The following SORCS1 variants were observed in gnomAD, a reference collection of about 807,000 sequenced individuals.
SORCS1 encodes the protein VPS10 domain-containing receptor SorCS1.
In SORCS1, 60 loss-of-function variants were observed where a neutral mutation model predicts 146.1. That is an observed-to-expected ratio of 0.41 (90% confidence interval 0.33 to 0.51). SORCS1 has a LOEUF of 0.51. SORCS1 is among the 20% of genes least tolerant of loss of function. SORCS1 has a pLI of 0.21. For synonymous variants in SORCS1, 637 were observed against 584.0 expected (o/e 1.09, Z -1.31); for missense variants, 1,352 against 1,487.6 (o/e 0.91, Z 1.50).
chr10:106,828,538 A>G (rs1948397379), intron 3 of SORCS1, among the ~76,000 whole-genome samples: 1 of 152,210 alleles, frequency 6.6e-6, no homozygotes, highest in Non-Finnish European at 1.5e-5. Context: ...CACTAACAGT[A>G]GCTAATGAAA....
Position 107,164,278 on chromosome 10 carries a change from C to A in SORCS1, c.249G>T (p.Gly83=), listed in dbSNP as rs748663686. 1 of 1,599,062 alleles carries A rather than the reference C, an allele frequency of 6.3e-7. No individual in the cohort carries two copies. The highest frequency in any genetic ancestry group is 1.7e-5 in the Admixed American group (1 of 59,164). Residue 83 remains glycine (G), a synonymous_variant, in exon 1 of 26, where the codon GGG becomes GGT. Transcript: ENST00000263054. This position sits in a 1 kb window ranked among gnomAD's most constrained non-coding sequence, Gnocchi z 6.8. ...VVRPLFSVAP[G]DRALSLERAR... is the part of the protein sequence containing the mutation. ...CCCGCTCCAGGGATAGCGCTCGGTC[C>A]CCGGGGGCCACTGAGAACAGGGGAC...
At position 106,880,519 on chromosome 10, in the gene SORCS1, C is replaced by T. The variant is rs191135001; in HGVS notation, c.627-50846G>A. The stretch of plus-strand genomic sequence containing the variant: ...ATACAGTCTGTTAAAGATTCAGATT[C>T]ATGGGTTTCTTTCCCAAAGCTTCTA... On this transcript the variant is annotated intron_variant, in intron 2 of 25. Transcript: ENST00000263054. 3.7e-3 allele frequency among the ~76,000 whole-genome samples: 561 copies of T among 152,226 alleles called. 4 individuals are homozygous for T. Among genetic ancestry groups the T allele is most frequent in the African/African-American group, 0.013 (521 of 41,546 alleles).
At chr10:106,780,610 G>T (rs1446546040) in intron 3 of SORCS1, among the ~76,000 whole-genome samples, 1 of 152,192 alleles carries the variant, frequency 6.6e-6, no homozygotes, top group East Asian at 1.9e-4. Context: ...CTGCAGGCCA[G>T]GGGCCCCTGC....
intron 1 of SORCS1, among the ~76,000 whole-genome samples, chr10:107,069,910 C>T (rs1328234): frequency 0.52 from 78,937 of 151,968 alleles, 21,928 homozygotes; most frequent in African/African-American, 0.7. Flanking sequence ...TGTGTGACCA[C>T]CATCACAATC....
At chr10:107,011,666 T>G (rs974112598) in intron 1 of SORCS1, among the ~76,000 whole-genome samples, 20 of 152,302 alleles carry the variant, frequency 1.3e-4, no homozygotes, top group African/African-American at 4.6e-4. Context: ...TGCCTAGAGA[T>G]TTGTCAGATA....
intron 5 of SORCS1, among the ~76,000 whole-genome samples, chr10:106,741,722 T>C (rs1163798757): frequency 6.6e-6 from 1 of 152,132 alleles, no homozygotes. Context: ...TAGACATATA[T>C]GAGGGGTCCC....
chr10:106,652,630 G>T, intron 17 of SORCS1, 77 bp from the exon 18 acceptor site: 1 of 1,537,668 alleles, frequency 6.5e-7, no homozygotes, highest in Non-Finnish European at 8.9e-7. Context: ...ATTAGACATA[G>T]TGCCTAGCCC....
chr10:106,984,414 GAC>G (rs1056598541), intron 1 of SORCS1, among the ~76,000 whole-genome samples: 4 of 82,696 alleles, frequency 4.8e-5, no homozygotes, highest in African/African-American at 1.2e-4. Context: ...TTTTTTTTGA[GAC>G]AGAGTTTTGC....
At position 106,848,147 on chromosome 10, in the gene SORCS1, T is replaced by C. The variant is rs367870319; in HGVS notation, c.627-18474A>G. Reference sequence around the variant, plus strand: ...TCAATTCCTGGGTATCCTTGTTGACTTTCTGTCTCGTTGATCTGTCTAATG... The same window carrying C: ...TCAATTCCTGGGTATCCTTGTTGACCTTCTGTCTCGTTGATCTGTCTAATG... On this transcript the variant is annotated intron_variant, in intron 2 of 25. Coordinates refer to ENST00000263054, the MANE Select transcript of SORCS1 (RefSeq NM_052918.5). 3.3e-4 allele frequency among the ~76,000 whole-genome samples: 30 copies of C among 90,668 alleles called. No individual in the cohort carries two copies. The East Asian group carries it at 7.6e-3, about 23-fold the overall frequency. The allele number at this position is 90,668 out of a possible 152,430, so 59.5% of individuals were successfully genotyped here.
At chr10:106,794,514 T>C (rs1408674942) in intron 3 of SORCS1, among the ~76,000 whole-genome samples, 6 of 148,900 alleles carry the variant, frequency 4.0e-5, no homozygotes, top group African/African-American at 2.5e-5. Flanking sequence ...TTTTTTTTTT[T>C]TTTTTTGAGA....
chr10:106,733,434 C>T (rs1156302600), intron 5 of SORCS1, among the ~76,000 whole-genome samples: 3 of 152,126 alleles, frequency 2.0e-5, no homozygotes, highest in Non-Finnish European at 4.4e-5. Flanking sequence ...ATTGCTGAGG[C>T]CAATCAATGC....
chr10:107,143,274 C>T lies in SORCS1; in HGVS notation c.558+20695G>A, dbSNP rs562026151. On this transcript the variant is annotated intron_variant, in intron 1 of 25. Transcript: ENST00000263054. The stretch of plus-strand genomic sequence containing the variant: ...TATGCTTTTCTTCCAAACTAAAATG[C>T]TGATTATGTCACTCCTTTATACATT... Among the ~76,000 whole-genome samples, 5 of 152,294 alleles carry T rather than the reference C, an allele frequency of 3.3e-5. No homozygotes were observed. The South Asian group carries it at 1.0e-3, about 32-fold the overall frequency.
At chr10:106,642,434 C>A (rs1258539827) in intron 18 of SORCS1, among the ~76,000 whole-genome samples, 2 of 152,116 alleles carry the variant, frequency 1.3e-5, no homozygotes, top group African/African-American at 2.4e-5. Flanking sequence ...ATCAGAAGAT[C>A]CCTGTTTTTA....
At chr10:107,018,150 T>G (rs1476025776) in intron 1 of SORCS1, among the ~76,000 whole-genome samples, 1 of 152,002 alleles carries the variant, frequency 6.6e-6, no homozygotes, top group Admixed American at 6.6e-5. Context: ...ACATGCCCTT[T>G]GTCCAAGCAC....
intron 6 of SORCS1, among the ~76,000 whole-genome samples, chr10:106,718,627 C>T (rs1305937791): frequency 6.6e-6 from 1 of 152,236 alleles, no homozygotes; most frequent in Non-Finnish European, 1.5e-5. Flanking sequence ...GAAGGGAACC[C>T]GAGTGGGTTG....
intron 1 of SORCS1, among the ~76,000 whole-genome samples, chr10:107,045,751 G>T (rs1021599234): frequency 6.7e-6 from 1 of 149,064 alleles, no homozygotes; most frequent in Non-Finnish European, 1.5e-5. Flanking sequence ...GTGTGTGTAT[G>T]TGTGTGTGTG....
intron 17 of SORCS1, among the ~76,000 whole-genome samples, chr10:106,653,328 G>A (rs1182911341): frequency 6.6e-6 from 1 of 152,032 alleles, no homozygotes; most frequent in Non-Finnish European, 1.5e-5. Flanking sequence ...TATACTGTTG[G>A]GTCTGCAGCA....
intron 3 of SORCS1, among the ~76,000 whole-genome samples, chr10:106,800,513 C>CTTTT (rs763659103): frequency 2.2e-5 from 2 of 89,072 alleles, no homozygotes; most frequent in South Asian, 4.1e-4. Flanking sequence ...CTAGGTGAAT[C>CTTTT]TTTTTTTTTT....
intron 1 of SORCS1, among the ~76,000 whole-genome samples, chr10:106,989,104 CA>C (rs111258873): frequency 0.1 from 10,894 of 109,226 alleles, 1,026 homozygotes; most frequent in African/African-American, 0.28. Flanking sequence ...ACTAAAAATA[CA>C]AAAAAAAAAA....
Sources: gnomAD v4.1 joint callset for allele counts (sites outside exome capture counted in the v4.1 genomes callset) on GRCh38, gnomAD v4.1.1 for gene constraint, Gnocchi (gnomAD v3.1) non-coding constraint, MANE v1.5 for transcripts, NCBI Gene and HGNC (gene_info 2026-07-23, HGNC 2026-07-21) for gene names.